The following SHCBP1 variants were observed in gnomAD, a reference collection of about 807,000 sequenced individuals.
The protein encoded by SHCBP1 is SHC binding and spindle associated 1.
In SHCBP1, 60 loss-of-function variants were observed where a neutral mutation model predicts 75.1. The ratio of observed to expected loss-of-function variants is 0.80; its 90% confidence interval spans 0.65 to 0.99. SHCBP1 has a LOEUF of 0.99. SHCBP1 is among the 50% of genes least tolerant of loss of function. The probability of loss-of-function intolerance (pLI) is 0.00; values close to 1 mark genes in which losing one functional copy is unlikely to be tolerated. For synonymous variants in SHCBP1, 290 were observed against 293.2 expected, an observed-to-expected ratio of 0.99 and a Z score of 0.11; for missense variants, 709 against 809.4, an observed-to-expected ratio of 0.88 and a Z score of 1.50.
rs921201050 is a variant in SHCBP1 at position 46,581,490 on chromosome 16, A to C, written c.*239T>G. The C allele has an allele frequency of 1.5e-5, 7 of 474,030 alleles. No homozygotes were observed. The highest frequency in any genetic ancestry group is 3.9e-5 in the Admixed American group (1 of 25,852). The allele number at this position is 474,030 out of a possible 1,614,324, so 29.4% of individuals were successfully genotyped here. A position where few individuals can be genotyped will look rare whatever the true frequency, so the allele number is the denominator to read the frequency against. ...GAGAGAACCATGTGTATAAGAAAGC[A>C]AGACTTTCAGATAAGCAATCTCCAA... On this transcript the variant is annotated 3_prime_UTR_variant, in exon 13 of 13. Coordinates refer to ENST00000303383, the MANE Select transcript of SHCBP1 (RefSeq NM_024745.5).
At chr16:46,592,478 T>A (rs1965062311) in intron 10 of SHCBP1, among the ~76,000 whole-genome samples, 1 of 152,018 alleles carries the variant, frequency 6.6e-6, no homozygotes, top group Non-Finnish European at 1.5e-5. Flanking sequence ...AAAAGAGAAA[T>A]CTCCGGGCCC....
Position 46,599,948 on chromosome 16 carries a change from C to G in SHCBP1, c.1228G>C (p.Asp410His), listed in dbSNP as rs1461560245. The change falls in exon 9 of 13, where the codon GAT becomes CAT. Residue 410 changes from aspartate (D) to histidine (H), a missense_variant. Coordinates refer to ENST00000303383, the MANE Select transcript of SHCBP1 (RefSeq NM_024745.5). ...CCCCTCTTTTCTATCACAATGTCAT[C>G]TGGTAGGCCATATCCTAAGGAAGAG... The part of the protein sequence containing the change: ...SIELEGYGLP[D>H]DIVIEKRGKG... 6.2e-7 allele frequency: 1 copy of G among 1,613,394 alleles called. No homozygotes were observed. Among genetic ancestry groups the G allele is most frequent in the African/African-American group, 1.3e-5 (1 of 74,956 alleles).
Position 46,578,868 on chromosome 16 carries a change from G to A in SHCBP1, c.*2861C>T, listed in dbSNP as rs6598661. On this transcript the variant is annotated 3_prime_UTR_variant, in exon 13 of 13. Transcript: ENST00000303383. The stretch of plus-strand genomic sequence containing the variant: ...AACTGAATTACAAAGAAACATGAAC[G>A]ACACGGTTCTTATGAGCTCATCAGT... Among the ~76,000 whole-genome samples the A allele has an allele frequency of 0.98, 148,810 of 152,292 alleles. 72,776 individuals are homozygous for A. Among genetic ancestry groups the A allele is most frequent in the East Asian group, 1 (5,180 of 5,180 alleles).
rs544678622 is a variant in SHCBP1 at position 46,584,507 on chromosome 16, A to T, written c.1465-418T>A. On this transcript the variant is annotated intron_variant, in intron 10 of 12. Coordinates refer to ENST00000303383, the MANE Select transcript of SHCBP1 (RefSeq NM_024745.5). ...TTGGAGATAAGTATTTGAATTTAGT[A>T]AAATATTGTAATTTGAGGATAGAAA... Among the ~76,000 whole-genome samples the T allele has an allele frequency of 8.9e-4, 136 of 152,330 alleles. 1 individual carries two copies. The East Asian group carries it at 0.025, about 28-fold the overall frequency.
intron 3 of SHCBP1, 45 bp downstream of exon 3, chr16:46,617,589 T>G (rs759565991): frequency 1.4e-6 from 2 of 1,462,400 alleles, no homozygotes; most frequent in Non-Finnish European, 1.9e-6. Flanking sequence ...TGAAGTAAAG[T>G]GCTTAAAGCT....
chr16:46,592,793 T>C (rs1445678884), intron 10 of SHCBP1, among the ~76,000 whole-genome samples: 2 of 151,612 alleles, frequency 1.3e-5, no homozygotes. Context: ...GGCTCAAAAT[T>C]TGAAAATCAA....
chr16:46,616,978 G>A lies in SHCBP1; in HGVS notation c.387+656C>T, dbSNP rs1865838. Among the ~76,000 whole-genome samples the A allele has an allele frequency of 0.98, 148,868 of 152,332 alleles. 72,815 individuals carry two copies. Among genetic ancestry groups the A allele is most frequent in the East Asian group, 1 (5,182 of 5,182 alleles). ...TCTAAGGGAGCTGCAGCAACAACTT[G>A]TATTCACACTCCCTGGTTTGACATT... is the stretch of plus-strand genomic sequence containing the variant. On this transcript the variant is annotated intron_variant, in intron 3 of 12. Coordinates refer to ENST00000303383, the MANE Select transcript of SHCBP1 (RefSeq NM_024745.5). This position sits in a 1 kb window ranked among gnomAD's most constrained non-coding sequence, Gnocchi z 4.4.
chr16:46,607,404 G>A (rs566824135), intron 5 of SHCBP1, among the ~76,000 whole-genome samples: 1 of 152,248 alleles, frequency 6.6e-6, no homozygotes, highest in South Asian at 2.1e-4. Context: ...GATTACAGGT[G>A]TGAGTCACCA....
chr16:46,615,839 C>A, intron 4 of SHCBP1, 107 bp downstream of exon 4: 1 of 901,132 alleles, frequency 1.1e-6, no homozygotes, highest in South Asian at 1.6e-5. Context: ...TTGCAATGAC[C>A]AAGTTTACAG....
rs182004173 is a variant in SHCBP1, at chr16:46,607,962, C to G, written c.689+335G>C. Reference sequence around the variant, plus strand: ...ATTTAACAAAGGGCTTCTTAACCCACTAGTTCAATGTTCAATTGAATTTTA... The same window carrying G: ...ATTTAACAAAGGGCTTCTTAACCCAGTAGTTCAATGTTCAATTGAATTTTA... On this transcript the variant is annotated intron_variant, in intron 5 of 12. Coordinates refer to ENST00000303383, the MANE Select transcript of SHCBP1 (RefSeq NM_024745.5). 6.6e-5 allele frequency among the ~76,000 whole-genome samples: 10 copies of G among 152,320 alleles called. No individual in the cohort carries two copies. In the East Asian group the frequency reaches 1.7e-3, roughly 26 times the overall value.
Position 46,578,720 on chromosome 16 carries a change from A to T in SHCBP1, c.*3009T>A, listed in dbSNP as rs1222050520. Among the ~76,000 whole-genome samples, 1 of 152,242 alleles carries T rather than the reference A, an allele frequency of 6.6e-6. No homozygotes were observed. The highest frequency in any genetic ancestry group is 1.5e-5 in the Non-Finnish European group (1 of 68,030). ...TAATCACAGAATAAAACAAAATGTT[A>T]TAAAATTAAATGCTATGCATAAATT... On this transcript the variant is annotated 3_prime_UTR_variant, in exon 13 of 13. Coordinates refer to ENST00000303383, the MANE Select transcript of SHCBP1 (RefSeq NM_024745.5).
At chr16:46,583,488 T>C (rs760483191) in intron 12 of SHCBP1, 28 bp downstream of exon 12, 1 of 1,572,294 alleles carries the variant, frequency 6.4e-7, no homozygotes, top group Non-Finnish European at 8.6e-7. Flanking sequence ...TTATGTCTGG[T>C]TTTTATATTA....
rs1964857954 is a variant in SHCBP1 at position 46,580,764 on chromosome 16, AC to A, written c.*964del. 1 of 149,930 alleles carries A rather than the reference AC, an allele frequency of 6.7e-6. No individual in the cohort carries two copies. The highest frequency in any genetic ancestry group is 1.5e-5 in the Non-Finnish European group (1 of 67,706). The allele number at this position is 149,930 out of a possible 1,614,324, so 9.3% of individuals were successfully genotyped here. On this transcript the variant is annotated 3_prime_UTR_variant, in exon 13 of 13. Coordinates refer to ENST00000303383, the MANE Select transcript of SHCBP1 (RefSeq NM_024745.5). ...AAAAATACTTTTTTTTTTTTTTGAGACTGGGTCTCGCTCTGTCGCCCAAGCT... is the reference window on the plus strand; with the variant it reads ...AAAAATACTTTTTTTTTTTTTTGAGATGGGTCTCGCTCTGTCGCCCAAGCT...
rs567136181 is a variant in SHCBP1 at position 46,608,890 on chromosome 16, C to T, written c.597-501G>A. 2.8e-3 allele frequency among the ~76,000 whole-genome samples: 427 copies of T among 152,180 alleles called. 1 individual carries two copies. Among genetic ancestry groups the T allele is most frequent in the Non-Finnish European group, 5.3e-3 (358 of 67,992 alleles). ...CTGGGATTACAGGCATGAGCCACCGCGCCCAGCCAGGACTTTCTTTTTATT... is the reference window on the plus strand; with the variant it reads ...CTGGGATTACAGGCATGAGCCACCGTGCCCAGCCAGGACTTTCTTTTTATT... On this transcript the variant is annotated intron_variant, in intron 4 of 12. Transcript: ENST00000303383.
chr16:46,586,725 T>C (rs1307639996), intron 10 of SHCBP1, among the ~76,000 whole-genome samples: 1 of 152,152 alleles, frequency 6.6e-6, no homozygotes, highest in East Asian at 1.9e-4. Flanking sequence ...ATTTTATGCC[T>C]TACCTATAGG....
In SHCBP1 at chr16:46,618,173, T is replaced by A. The variant is rs569574904; in HGVS notation, c.271+32A>T. 1.5e-5 allele frequency: 24 copies of A among 1,563,052 alleles called. No individual in the cohort carries two copies. The African/African-American group carries it at 3.2e-4, about 21-fold the overall frequency. ...CCTGGACAACAAGAGCGAAACTCCA[T>A]CTCAAAAAAAAAAAGCAAAAAACCT... On this transcript the variant is annotated intron_variant, in intron 2 of 12. Coordinates refer to ENST00000303383, the MANE Select transcript of SHCBP1 (RefSeq NM_024745.5).
rs372694886 is a variant in SHCBP1 at position 46,614,623 on chromosome 16, C to T, written c.596+1323G>A. ...AAAAGACTCACAGGCAGGAATACAT[C>T]CCCTAAGGATCCTAGAAGCAGCCTA... On this transcript the variant is annotated intron_variant, in intron 4 of 12. Coordinates refer to ENST00000303383, the MANE Select transcript of SHCBP1 (RefSeq NM_024745.5). 1.3e-3 allele frequency among the ~76,000 whole-genome samples: 204 copies of T among 152,168 alleles called. 1 individual carries two copies. In the Middle Eastern group the frequency reaches 0.014, roughly 10 times the overall value.
At chr16:46,599,738 GA>G (rs1428132030) in intron 9 of SHCBP1, 92 bp downstream of exon 9, 2 of 903,800 alleles carry the variant, frequency 2.2e-6, no homozygotes, top group African/African-American at 3.9e-5. Context: ...CTGTACTCAA[GA>G]GTGGCATTTC....
chr16:46,583,641 T>A lies in SHCBP1; in HGVS notation c.1568A>T (p.His523Leu). 1.2e-6 allele frequency: 2 copies of A among 1,604,900 alleles called. No homozygotes were observed. The highest frequency in any genetic ancestry group is 1.7e-6 in the Non-Finnish European group (2 of 1,178,118). ...GILIKDFLDE[H>L]YDIPKISMVN... ...CATGGATATCTTGGGAATGTCATAA[T>A]GTTCATCTAAGAAGTCCTGTGACAT... is the stretch of plus-strand genomic sequence containing the variant. The change falls in exon 12 of 13, where the codon CAT (histidine) becomes CTT (leucine). Residue 523 changes from histidine to leucine, a missense_variant. By Grantham distance (99) the His-to-Leu change is moderately conservative. Coordinates refer to ENST00000303383, the MANE Select transcript of SHCBP1 (RefSeq NM_024745.5).
Sources: allele counts gnomAD v4.1 joint callset (sites outside exome capture counted in the v4.1 genomes callset), GRCh38; gene constraint gnomAD v4.1.1; non-coding constraint Gnocchi (gnomAD v3.1); transcripts MANE v1.5; gene names NCBI Gene and HGNC (gene_info 2026-07-23, HGNC 2026-07-21).